DAAM1: variants seen among roughly 807,000 people sequenced by gnomAD.
The protein encoded by DAAM1 is dishevelled associated activator of morphogenesis 1.
In DAAM1, 52 loss-of-function variants were observed where a neutral mutation model predicts 130.0. The ratio of observed to expected loss-of-function variants is 0.40; its 90% CI spans 0.32 to 0.50. DAAM1 has a LOEUF of 0.50. Ranked by LOEUF, DAAM1 falls within the 20% of genes least tolerant of loss-of-function variation. DAAM1 has a pLI of 0.61. For synonymous variants in DAAM1, 452 were observed against 444.5 expected (o/e 1.02, Z -0.21); for missense variants, 1,134 against 1,303.8 (o/e 0.87, Z 2.01).
rs927031914 is a variant in DAAM1 at position 59,363,793 on chromosome 14, C to T, written c.2826+11C>T. 1.2e-5 allele frequency: 20 copies of T among 1,612,864 alleles called. No homozygotes were observed. The highest frequency in any genetic ancestry group is 1.7e-5 in the Non-Finnish European group (20 of 1,179,844). On this transcript the variant is annotated intron_variant, in intron 23 of 24. Transcript: ENST00000360909. ...GAAGCTAAAGACCTGGTAAGTTTCCCCCTTGTGCACTGAGTGTTGTTTGAC... is the reference window on the plus strand; with the variant it reads ...GAAGCTAAAGACCTGGTAAGTTTCCTCCTTGTGCACTGAGTGTTGTTTGAC...
At chr14:59,260,934 T>C (rs572239508) in intron 1 of DAAM1, among the ~76,000 whole-genome samples, 2 of 152,144 alleles carry the variant, frequency 1.3e-5, no homozygotes, top group East Asian at 3.9e-4. Flanking sequence ...GCATGGAAAA[T>C]GGCCTGTTGA....
chr14:59,191,041 TAA>T (rs1887714973), intron 1 of DAAM1, among the ~76,000 whole-genome samples: 1 of 152,260 alleles, frequency 6.6e-6, no homozygotes. Context: ...GTAATTGCAT[TAA>T]GTGTAATTGA....
intron 3 of DAAM1, among the ~76,000 whole-genome samples, chr14:59,296,558 C>T (rs2139574567): frequency 6.6e-6 from 1 of 152,216 alleles, no homozygotes; most frequent in Non-Finnish European, 1.5e-5. Flanking sequence ...TTGTCATAAG[C>T]TCCATAAAAG....
At chr14:59,262,652 T>TAG (rs1882222487) in intron 1 of DAAM1, among the ~76,000 whole-genome samples, 2 of 116,476 alleles carry the variant, frequency 1.7e-5, no homozygotes, top group South Asian at 3.0e-4. Flanking sequence ...AATATTCTAT[T>TAG]AGTGTGTGTG....
intron 13 of DAAM1, 42 bp downstream of exon 13, chr14:59,330,730 C>T: frequency 6.4e-7 from 1 of 1,553,092 alleles, no homozygotes; most frequent in Non-Finnish European, 8.7e-7. Flanking sequence ...GCCAAGGCCT[C>T]ACTGACCCTA....
intron 16 of DAAM1, among the ~76,000 whole-genome samples, chr14:59,344,612 A>G (rs1233615682): frequency 1.3e-5 from 2 of 152,178 alleles, no homozygotes; most frequent in South Asian, 2.1e-4. Context: ...GGACGCGTGC[A>G]TAGCATTATG....
chr14:59,326,411 C>T, intron 10 of DAAM1, 99 bp from the exon 11 acceptor site: 1 of 1,229,086 alleles, frequency 8.1e-7, no homozygotes, highest in Admixed American at 2.6e-5. Context: ...ATAAACATCT[C>T]TGGTTTGGTG....
At chr14:59,323,665 T>TA (rs1440559587) in intron 6 of DAAM1, among the ~76,000 whole-genome samples, 1 of 152,184 alleles carries the variant, frequency 6.6e-6, no homozygotes, top group African/African-American at 2.4e-5. Context: ...ATTTTGAAAT[T>TA]AGAGTTTTTA....
At chr14:59,327,016 G>A in intron 12 of DAAM1, 25 bp downstream of exon 12, 1 of 1,613,458 alleles carries the variant, frequency 6.2e-7, no homozygotes, top group Non-Finnish European at 8.5e-7. Context: ...CCTGATAAGA[G>A]GCTGTGTTAT....
chr14:59,333,632 G>A (rs536171372), intron 15 of DAAM1, among the ~76,000 whole-genome samples: 28 of 152,298 alleles, frequency 1.8e-4, no homozygotes, highest in South Asian at 1.7e-3. Context: ...AGTTTTGATC[G>A]CTGATACTGT....
chr14:59,241,202 T>C (rs1369900097), intron 1 of DAAM1, among the ~76,000 whole-genome samples: 2 of 152,254 alleles, frequency 1.3e-5, no homozygotes, highest in East Asian at 3.8e-4. Flanking sequence ...TTTTGAGTTA[T>C]TGTTATACAA....
At chr14:59,192,067 G>A (rs925893162) in intron 1 of DAAM1, among the ~76,000 whole-genome samples, 1 of 151,970 alleles carries the variant, frequency 6.6e-6, no homozygotes, top group African/African-American at 2.4e-5. Context: ...CTTGGGTGGT[G>A]CTTACAGGAG....
chr14:59,223,565 C>G (rs896553451), intron 1 of DAAM1, among the ~76,000 whole-genome samples: 18 of 152,232 alleles, frequency 1.2e-4, no homozygotes, highest in Admixed American at 2.0e-4. Context: ...ATCATATGGC[C>G]CCAGTGGAAG....
intron 12 of DAAM1, among the ~76,000 whole-genome samples, chr14:59,327,880 AT>A (rs1885273118): frequency 6.6e-6 from 1 of 152,236 alleles, no homozygotes; most frequent in African/African-American, 2.4e-5. Flanking sequence ...TTAGTATCAA[AT>A]GATAGGAGAG....
chr14:59,247,191 T>G (rs1357269268), intron 1 of DAAM1, among the ~76,000 whole-genome samples: 1 of 152,156 alleles, frequency 6.6e-6, no homozygotes, highest in African/African-American at 2.4e-5. Context: ...CAAAGATCAT[T>G]TAATCATATA....
chr14:59,191,238 G>A (rs1347260987), intron 1 of DAAM1, among the ~76,000 whole-genome samples: 1 of 152,082 alleles, frequency 6.6e-6, no homozygotes, highest in Non-Finnish European at 1.5e-5. Flanking sequence ...TAAGTAGGTA[G>A]CTACATCCCC....
chr14:59,285,561 A>T (rs1198992004), intron 2 of DAAM1, among the ~76,000 whole-genome samples: 4 of 152,210 alleles, frequency 2.6e-5, no homozygotes, highest in African/African-American at 9.6e-5. Context: ...AATGGTGCTG[A>T]TAGGCTCAAA....
chr14:59,352,259 G>A (rs541340879), intron 17 of DAAM1, among the ~76,000 whole-genome samples: 1 of 152,200 alleles, frequency 6.6e-6, no homozygotes, highest in East Asian at 1.9e-4. Context: ...TGAAAAAGAG[G>A]TTCCAGTAGA....
intron 2 of DAAM1, among the ~76,000 whole-genome samples, chr14:59,282,105 G>T (rs1344799567): frequency 6.6e-6 from 1 of 151,990 alleles, no homozygotes; most frequent in Non-Finnish European, 1.5e-5. Flanking sequence ...TATTTCCTGG[G>T]GAAAGCCTTC....
Sources: allele counts gnomAD v4.1 joint callset (sites outside exome capture counted in the v4.1 genomes callset), GRCh38; gene constraint gnomAD v4.1.1; transcripts MANE v1.5; gene names NCBI Gene and HGNC (gene_info 2026-07-23, HGNC 2026-07-21).